Variants in ERC1 observed in about 807,000 individuals in gnomAD.
ERC1 encodes ELKS/RAB6-interacting/CAST family member 1, also known as RAB6 interacting protein 2.
In ERC1, 56 loss-of-function variants were observed where a neutral mutation model predicts 132.0. The observed-to-expected ratio is 0.42, with a 90% CI of 0.34 to 0.53. The LOEUF (loss-of-function observed/expected upper bound fraction) is 0.53, where lower values mean the gene tolerates loss of function less well. Among genes scored for constraint, ERC1 ranks in the 20% least tolerant of loss-of-function variants. The pLI is 0.03. For missense variants in ERC1, 1,202 were observed against 1,349.9 expected (o/e 0.89, Z 1.72); for synonymous variants, 478 against 476.1 (o/e 1.00, Z -0.05).
At chr12:1,382,362 G>C (rs1185964505) in intron 16 of ERC1, among the ~76,000 whole-genome samples, 2 of 152,226 alleles carry the variant, frequency 1.3e-5, no homozygotes, top group Non-Finnish European at 2.9e-5. Context: ...TGTCTACAGA[G>C]GCAGGCACTT....
chr12:1,004,822 G>A (rs1185006402), intron 1 of ERC1, among the ~76,000 whole-genome samples: 1 of 131,450 alleles, frequency 7.6e-6, no homozygotes, highest in Non-Finnish European at 1.8e-5. Context: ...GTGTGTGTGT[G>A]TGTGTGTGTG....
chr12:1,465,134 G>A (rs555219922), intron 18 of ERC1, among the ~76,000 whole-genome samples: 6 of 152,066 alleles, frequency 3.9e-5, no homozygotes, highest in Non-Finnish European at 8.8e-5. Context: ...TTGAACGCGG[G>A]TCTGTCATCG....
intron 18 of ERC1, among the ~76,000 whole-genome samples, chr12:1,484,620 C>A (rs2094170646): frequency 6.6e-6 from 1 of 150,862 alleles, no homozygotes; most frequent in African/African-American, 2.4e-5. Context: ...TGCTCTCGCC[C>A]AGGCTGGAGT....
At chr12:1,207,245 A>C (rs985758815) in intron 12 of ERC1, among the ~76,000 whole-genome samples, 1 of 152,166 alleles carries the variant, frequency 6.6e-6, no homozygotes, top group African/African-American at 2.4e-5. Flanking sequence ...ACCTCATCAT[A>C]AGATATATCA....
chr12:1,124,561 TAAGA>T (rs1375223689), intron 7 of ERC1, among the ~76,000 whole-genome samples: 2 of 151,560 alleles, frequency 1.3e-5, no homozygotes, highest in East Asian at 1.9e-4. Flanking sequence ...TATCAGAAAA[TAAGA>T]AAGAAAAGCA....
intron 2 of ERC1, among the ~76,000 whole-genome samples, chr12:1,045,259 T>C (rs1392921370): frequency 1.3e-5 from 2 of 152,180 alleles, no homozygotes; most frequent in Non-Finnish European, 2.9e-5. Context: ...TTTACTCCAC[T>C]GACATTAAAA....
chr12:1,292,641 G>A (rs1046199485), intron 15 of ERC1, among the ~76,000 whole-genome samples: 1 of 152,144 alleles, frequency 6.6e-6, no homozygotes, highest in Non-Finnish European at 1.5e-5. Context: ...CCTAAGAAGA[G>A]TCCAGTACTA....
At chr12:1,304,523 A>G (rs190492492) in intron 15 of ERC1, among the ~76,000 whole-genome samples, 1 of 152,314 alleles carries the variant, frequency 6.6e-6, no homozygotes, top group East Asian at 1.9e-4. Context: ...TGCGAAGGCA[A>G]GATACATGAA....
intron 1 of ERC1, among the ~76,000 whole-genome samples, chr12:994,782 C>T (rs933251574): frequency 6.6e-6 from 1 of 151,866 alleles, no homozygotes; most frequent in Non-Finnish European, 1.5e-5. Context: ...GGCAACATAG[C>T]GAGACCATGT....
chr12:1,414,375 T>G (rs1046073113), intron 17 of ERC1, among the ~76,000 whole-genome samples: 2 of 152,230 alleles, frequency 1.3e-5, no homozygotes, highest in African/African-American at 2.4e-5. Context: ...GCAAGCTGTC[T>G]CGTGGTGTTT....
intron 16 of ERC1, among the ~76,000 whole-genome samples, chr12:1,374,380 C>A (rs965126788): frequency 6.6e-6 from 1 of 152,132 alleles, no homozygotes; most frequent in Non-Finnish European, 1.5e-5. Context: ...CCTCTAACCA[C>A]CGCCCCCCCA....
chr12:1,379,281 C>T (rs1448225852), intron 16 of ERC1, among the ~76,000 whole-genome samples: 1 of 152,146 alleles, frequency 6.6e-6, no homozygotes, highest in East Asian at 1.9e-4. Context: ...GTACATTCTC[C>T]ACTTTCTACA....
Position 1,262,975 on chromosome 12 carries a change from T to G in ERC1, c.2488-59T>G, listed in dbSNP as rs112417425. The G allele has an allele frequency of 1.5e-3, 2,278 of 1,566,578 alleles. 28 individuals are homozygous for G. The African/African-American group carries it at 0.026, about 18-fold the overall frequency. Reference sequence around the variant, plus strand: ...AAGCAAACAGCCCTTTCTTAATAAATAGGCTCTCCCTGGGTTAAGTAATTA... The same window carrying G: ...AAGCAAACAGCCCTTTCTTAATAAAGAGGCTCTCCCTGGGTTAAGTAATTA... On this transcript the variant is annotated intron_variant, in intron 13 of 18. Coordinates refer to ENST00000360905, the MANE Select transcript of ERC1 (RefSeq NM_178040.4).
At chr12:1,293,728 G>A (rs1258584623) in intron 15 of ERC1, among the ~76,000 whole-genome samples, 1 of 151,700 alleles carries the variant, frequency 6.6e-6, no homozygotes, top group African/African-American at 2.4e-5. Context: ...ATTGTAAATA[G>A]TTAACCAAAT....
At position 1,043,376 on chromosome 12, in the gene ERC1, A is replaced by G. The variant is rs114813315; in HGVS notation, c.669+14804A>G. On this transcript the variant is annotated intron_variant, in intron 2 of 18. Coordinates refer to ENST00000360905, the MANE Select transcript of ERC1 (RefSeq NM_178040.4). ...GTATTTTCAAGAGATGAAGCAGGTA[A>G]AAGGTTATTTACTTAAATGGTAGCA... is the stretch of plus-strand genomic sequence containing the variant. Among the ~76,000 whole-genome samples, 859 of 152,288 alleles carry G rather than the reference A, an allele frequency of 5.6e-3. 2 individuals carry two copies. Among genetic ancestry groups the G allele is most frequent in the African/African-American group, 0.018 (764 of 41,568 alleles).
intron 15 of ERC1, among the ~76,000 whole-genome samples, chr12:1,349,434 C>T (rs1031237139): frequency 2.6e-5 from 4 of 152,092 alleles, no homozygotes; most frequent in South Asian, 2.1e-4. Context: ...GAGGCCGAGG[C>T]GGGCAGATCA....
chr12:1,257,520 A>G (rs930731969), intron 13 of ERC1, among the ~76,000 whole-genome samples: 1 of 152,226 alleles, frequency 6.6e-6, no homozygotes, highest in African/African-American at 2.4e-5. Flanking sequence ...TTTCTCTGTT[A>G]GAGTAATAAA....
At chr12:1,170,236 A>G (rs1952905842) in intron 8 of ERC1, among the ~76,000 whole-genome samples, 1 of 152,202 alleles carries the variant, frequency 6.6e-6, no homozygotes, top group African/African-American at 2.4e-5. Flanking sequence ...ATGGTATAAT[A>G]TTCTTTCCAT....
chr12:1,398,637 G>A (rs547292425), intron 16 of ERC1, among the ~76,000 whole-genome samples: 1 of 152,328 alleles, frequency 6.6e-6, no homozygotes. Flanking sequence ...TTCCCACTTA[G>A]TCTGTGTATG....
Sources: gnomAD v4.1 joint callset for allele counts (sites outside exome capture counted in the v4.1 genomes callset) on GRCh38, gnomAD v4.1.1 for gene constraint, MANE v1.5 for transcripts, NCBI Gene and HGNC (gene_info 2026-07-23, HGNC 2026-07-21) for gene names.